NETO1: variants seen among roughly 807,000 people sequenced by gnomAD.
The protein encoded by NETO1 is neuropilin and tolloid like 1.
Under a neutral mutation model 61.3 loss-of-function variants are expected in NETO1, and 26 were observed. That is an observed-to-expected ratio of 0.42 (90% CI 0.31 to 0.59). The LOEUF is 0.59. Ranked by LOEUF, NETO1 falls within the 20% of genes least tolerant of loss-of-function variation. The pLI is 0.12. For missense variants in NETO1, 531 were observed against 662.8 expected (o/e 0.80, Z 2.18); for synonymous variants, 225 against 225.8 (o/e 1.00, Z 0.03).
At chr18:72,853,082 G>A (rs373450662) in intron 4 of NETO1, among the ~76,000 whole-genome samples, 2 of 151,964 alleles carry the variant, frequency 1.3e-5, no homozygotes, top group African/African-American at 4.8e-5. Flanking sequence ...TGATCCACCC[G>A]CCTCAGCCTC....
chr18:72,846,540 T>TGCA (rs2074094834), intron 4 of NETO1, among the ~76,000 whole-genome samples: 1 of 72,644 alleles, frequency 1.4e-5, no homozygotes, highest in Non-Finnish European at 3.4e-5. Context: ...AAAAAGAAGA[T>TGCA]GCATAGCCCC....
chr18:72,792,563 C>G (rs1215568383), intron 6 of NETO1, among the ~76,000 whole-genome samples: 1 of 151,780 alleles, frequency 6.6e-6, no homozygotes, highest in Non-Finnish European at 1.5e-5. Flanking sequence ...ATTTCCAACA[C>G]TGGAATTACC....
chr18:72,838,362 T>C (rs998146337), intron 4 of NETO1, among the ~76,000 whole-genome samples: 3 of 152,222 alleles, frequency 2.0e-5, no homozygotes, highest in Admixed American at 6.5e-5. Context: ...TCTCTTTGAC[T>C]GACATCTTAA....
intron 7 of NETO1, 64 bp downstream of exon 7, chr18:72,783,614 G>T (rs1407989265): frequency 1.5e-6 from 2 of 1,369,102 alleles, no homozygotes; most frequent in Non-Finnish European, 2.1e-6. Flanking sequence ...ACCATTAACA[G>T]CTTATGAAAC....
intron 4 of NETO1, among the ~76,000 whole-genome samples, chr18:72,803,344 G>C (rs7240235): frequency 0.37 from 56,529 of 152,078 alleles, 11,130 homozygotes; most frequent in Middle Eastern, 0.53. Context: ...GTTAAACAAG[G>C]ATGCATGTGG....
At chr18:72,793,266 G>T (rs914051162) in intron 6 of NETO1, among the ~76,000 whole-genome samples, 1 of 152,052 alleles carries the variant, frequency 6.6e-6, no homozygotes, top group Non-Finnish European at 1.5e-5. Context: ...TGTAACTGAG[G>T]AATATAAACC....
intron 4 of NETO1, chr18:72,834,348 A>C (rs1216637312): frequency 1.1e-6 from 1 of 911,216 alleles, no homozygotes; most frequent in African/African-American, 1.8e-5. Flanking sequence ...AAAGAAAGGA[A>C]AAGAGACATT....
intron 7 of NETO1, among the ~76,000 whole-genome samples, chr18:72,775,232 C>T (rs72966340): frequency 0.025 from 3,748 of 152,258 alleles, 41 homozygotes; most frequent in Middle Eastern, 0.034. Context: ...ATGCTCTCCC[C>T]TTTACTGGCA....
intron 3 of NETO1, among the ~76,000 whole-genome samples, chr18:72,863,682 A>G (rs1382328254): frequency 4.6e-5 from 7 of 152,188 alleles, no homozygotes; most frequent in Non-Finnish European, 7.3e-5. Flanking sequence ...TTCTAAATAG[A>G]GAGTCTTAAA....
At chr18:72,856,865 T>C (rs2074425920) in intron 4 of NETO1, among the ~76,000 whole-genome samples, 1 of 152,232 alleles carries the variant, frequency 6.6e-6, no homozygotes, top group Admixed American at 6.5e-5. Flanking sequence ...AGGTCACCAG[T>C]TGAATGACAC....
chr18:72,865,819 A>C lies in NETO1; in HGVS notation c.29-578T>G, dbSNP rs569990821. 1.5e-5 allele frequency: 14 copies of C among 909,838 alleles called. No homozygotes were observed. The African/African-American group carries it at 2.0e-4, about 13-fold the overall frequency. 56.4% of individuals were successfully genotyped at this position (909,838 alleles called of 1,614,324 possible). A position where few individuals can be genotyped will look rare whatever the true frequency, so the allele number is the denominator to read the frequency against. On this transcript the variant is annotated intron_variant, in intron 1 of 10. Transcript: ENST00000327305. ...CATTATTGGAATGTTGCCTACAAAA[A>C]TGTTCTGAACCTCCAAGTAACCCCG... is the stretch of plus-strand genomic sequence containing the variant.
At chr18:72,771,745 GT>G (rs1038768669) in intron 7 of NETO1, among the ~76,000 whole-genome samples, 41 of 152,128 alleles carry the variant, frequency 2.7e-4, no homozygotes, top group African/African-American at 9.2e-4. Context: ...TATTAAAAAT[GT>G]TTTTAAGTAA....
intron 4 of NETO1, among the ~76,000 whole-genome samples, chr18:72,797,309 A>C (rs1361866051): frequency 6.6e-6 from 1 of 152,228 alleles, no homozygotes; most frequent in Non-Finnish European, 1.5e-5. Context: ...CTGGGAACTG[A>C]AAATTTATTT....
intron 6 of NETO1, among the ~76,000 whole-genome samples, chr18:72,793,616 C>T (rs1182659243): frequency 6.6e-6 from 1 of 152,158 alleles, no homozygotes; most frequent in Non-Finnish European, 1.5e-5. Flanking sequence ...GGGCAGCTAA[C>T]TCATGCCTGT....
chr18:72,778,298 C>G (rs1247685357), intron 7 of NETO1, among the ~76,000 whole-genome samples: 1 of 152,212 alleles, frequency 6.6e-6, no homozygotes, highest in Non-Finnish European at 1.5e-5. Flanking sequence ...CTTATTTTAT[C>G]AGATGCCTGC....
At position 72,750,913 on chromosome 18, in the gene NETO1, AATC is replaced by A. The variant is rs2070587345; in HGVS notation, c.983-296_983-294del. On this transcript the variant is annotated intron_variant, in intron 8 of 10. Coordinates refer to ENST00000327305, the MANE Select transcript of NETO1 (RefSeq NM_138966.5). ...CACACACACACACACACACACACAC[AATC>A]CTCTATCTATCTAATCTATCGTAGG... Among the ~76,000 whole-genome samples, 4 of 119,780 alleles carry A rather than the reference AATC, an allele frequency of 3.3e-5. No individual in the cohort carries two copies. The Admixed American group carries it at 3.4e-4, about 10-fold the overall frequency. 78.6% of individuals were successfully genotyped at this position (119,780 alleles called of 152,430 possible). A position where few individuals can be genotyped will look rare whatever the true frequency, so the allele number is the denominator to read the frequency against.
Position 72,772,761 on chromosome 18 carries a change from A to ATATATC in NETO1, c.868+10916_868+10917insGATATA, listed in dbSNP as rs1555684136. Among the ~76,000 whole-genome samples, 16 of 25,886 alleles carry ATATATC rather than the reference A, an allele frequency of 6.2e-4. 1 individual carries two copies. The Admixed American group carries it at 8.1e-3, about 13-fold the overall frequency. 17.0% of individuals were successfully genotyped at this position (25,886 alleles called of 152,430 possible). ...CACACACATCTCTCTATATATATCT[A>ATATATC]TATATATATATATATACAGATCTCT... On this transcript the variant is annotated intron_variant, in intron 7 of 10. Coordinates refer to ENST00000327305, the MANE Select transcript of NETO1 (RefSeq NM_138966.5).
chr18:72,843,565 TG>T (rs1411673040), intron 4 of NETO1, among the ~76,000 whole-genome samples: 2 of 152,198 alleles, frequency 1.3e-5, no homozygotes, highest in African/African-American at 4.8e-5. Flanking sequence ...GTACATGATC[TG>T]GTCATTTCAT....
intron 7 of NETO1, among the ~76,000 whole-genome samples, chr18:72,770,574 C>T (rs962512937): frequency 5.3e-5 from 8 of 152,086 alleles, no homozygotes; most frequent in Admixed American, 4.6e-4. Context: ...TAAATATTTC[C>T]TATATTAGTA....
Sources: allele counts gnomAD v4.1 joint callset (sites outside exome capture counted in the v4.1 genomes callset), GRCh38; gene constraint gnomAD v4.1.1; transcripts MANE v1.5; gene names NCBI Gene and HGNC (gene_info 2026-07-23, HGNC 2026-07-21).